Variants in NTN1 observed in about 807,000 individuals in gnomAD.
The protein encoded by NTN1 is netrin-1.
A neutral mutation model predicts 54.2 loss-of-function variants in NTN1; 11 were observed. The ratio of observed to expected loss-of-function variants is 0.20; its 90% confidence interval spans 0.13 to 0.34. NTN1 has a LOEUF of 0.34. NTN1 is among the 10% of genes least tolerant of loss of function. The pLI is 1.00. For synonymous variants in NTN1, 371 were observed against 382.0 expected (o/e 0.97, Z 0.33); for missense variants, 740 against 893.1 (o/e 0.83, Z 2.18).
intron 2 of NTN1, among the ~76,000 whole-genome samples, chr17:9,132,088 C>T (rs545613403): frequency 3.9e-5 from 6 of 151,900 alleles, no homozygotes; most frequent in South Asian, 4.2e-4. Context: ...ACTCTGTCCG[C>T]GCAGGAGTTA....
chr17:9,224,610 G>A (rs1378404621), intron 6 of NTN1, among the ~76,000 whole-genome samples: 1 of 152,240 alleles, frequency 6.6e-6, no homozygotes, highest in African/African-American at 2.4e-5. Flanking sequence ...CCCTTCCACA[G>A]CAGCCTTCCT....
At chr17:9,213,266 G>A (rs907035548) in intron 5 of NTN1, among the ~76,000 whole-genome samples, 3 of 152,242 alleles carry the variant, frequency 2.0e-5, no homozygotes, top group East Asian at 3.8e-4. Context: ...GGCAGTGCCT[G>A]TGTCCAGCCC....
intron 5 of NTN1, among the ~76,000 whole-genome samples, chr17:9,200,611 T>C (rs974366324): frequency 2.6e-5 from 4 of 152,212 alleles, no homozygotes; most frequent in Non-Finnish European, 4.4e-5. Flanking sequence ...ATAGTAGCTT[T>C]TAGTATTTTC....
At chr17:9,028,947 T>A (rs2091880320) in intron 2 of NTN1, among the ~76,000 whole-genome samples, 1 of 152,080 alleles carries the variant, frequency 6.6e-6, no homozygotes, top group Non-Finnish European at 1.5e-5. Context: ...TTTTTTTTCA[T>A]CCTTTCAGAA....
At chr17:9,048,676 AGACAGAGTCTTGCTCTGTCACCCAGGCTG>A (rs1396947333) in intron 2 of NTN1, among the ~76,000 whole-genome samples, 1 of 150,240 alleles carries the variant, frequency 6.7e-6, no homozygotes, top group Non-Finnish European at 1.5e-5. Flanking sequence ...CTTTTTTTTG[AGACAGAGTCTTGCTCTGTCACCCAGGCTG>A]GAGTGCAGTG....
At chr17:9,076,071 C>T (rs1024717930) in intron 2 of NTN1, among the ~76,000 whole-genome samples, 7 of 152,196 alleles carry the variant, frequency 4.6e-5, no homozygotes, top group Non-Finnish European at 1.0e-4. Flanking sequence ...GGTGATTCCC[C>T]ATGGTCCCTC....
rs11867841 is a variant in NTN1 at position 9,023,715 on chromosome 17, C to G, written c.1018+324C>G. On this transcript the variant is annotated intron_variant, in intron 2 of 6. Coordinates refer to ENST00000173229, the MANE Select transcript of NTN1 (RefSeq NM_004822.3). ...CGCAAACATTCATTGCCTTCCCCCTCGTTGGGTTGGACGCTGGGATTCACC... is the reference window on the plus strand; with the variant it reads ...CGCAAACATTCATTGCCTTCCCCCTGGTTGGGTTGGACGCTGGGATTCACC... 8.8e-3 allele frequency among the ~76,000 whole-genome samples: 1,334 copies of G among 152,386 alleles called. 18 individuals are homozygous for G. The highest frequency in any genetic ancestry group is 0.031 in the African/African-American group (1,272 of 41,588).
chr17:9,047,751 A>G (rs553755808), intron 2 of NTN1, among the ~76,000 whole-genome samples: 101 of 151,436 alleles, frequency 6.7e-4, no homozygotes, highest in Non-Finnish European at 9.3e-4. Context: ...CTGGAGTGCA[A>G]TGGCGCGATC....
chr17:9,214,431 T>C (rs1311175693), intron 5 of NTN1, among the ~76,000 whole-genome samples: 1 of 152,236 alleles, frequency 6.6e-6, no homozygotes, highest in African/African-American at 2.4e-5. Context: ...TTGCCTTGAA[T>C]TCTACTTTGC....
At chr17:9,074,275 G>A (rs1303290103) in intron 2 of NTN1, among the ~76,000 whole-genome samples, 1 of 152,226 alleles carries the variant, frequency 6.6e-6, no homozygotes, top group African/African-American at 2.4e-5. Flanking sequence ...GATGGGACGC[G>A]GCCAGCCCGC....
At chr17:9,102,546 A>G (rs1319187002) in intron 2 of NTN1, among the ~76,000 whole-genome samples, 2 of 152,228 alleles carry the variant, frequency 1.3e-5, no homozygotes, top group African/African-American at 2.4e-5. Flanking sequence ...GAGTGTAGAC[A>G]CAGCCAAACC....
intron 2 of NTN1, among the ~76,000 whole-genome samples, chr17:9,040,158 A>G (rs950839745): frequency 4.6e-5 from 7 of 152,208 alleles, no homozygotes; most frequent in Non-Finnish European, 1.0e-4. Flanking sequence ...AGCATTTGAT[A>G]TGGCCAATCT....
chr17:9,162,158 A>C (rs531532666), intron 2 of NTN1, among the ~76,000 whole-genome samples: 1 of 152,246 alleles, frequency 6.6e-6, no homozygotes, highest in East Asian at 1.9e-4. Context: ...TTGAGGTGGG[A>C]AGAACGATGG....
At chr17:9,229,080 C>CTA (rs1300518853) in intron 6 of NTN1, among the ~76,000 whole-genome samples, 1 of 149,568 alleles carries the variant, frequency 6.7e-6, no homozygotes, top group Non-Finnish European at 1.5e-5. Context: ...GTGTTTGTGA[C>CTA]TGTGTGTGTG....
chr17:9,008,477 G>A, the NTN1 span, among the ~76,000 whole-genome samples: 2 of 151,776 alleles, frequency 1.3e-5, no homozygotes, highest in African/African-American at 2.4e-5. Context: ...GTGTCACCAC[G>A]CCCAGCTGAT....
intron 2 of NTN1, among the ~76,000 whole-genome samples, chr17:9,149,414 C>A (rs2092321663): frequency 6.6e-6 from 1 of 152,162 alleles, no homozygotes; most frequent in Non-Finnish European, 1.5e-5. Flanking sequence ...AAATTCTCTG[C>A]CTTCAGGAAT....
In NTN1 at chr17:9,076,653, G is replaced by A. The variant is rs375709374; in HGVS notation, c.1018+53262G>A. Among the ~76,000 whole-genome samples, 149 of 152,308 alleles carry A rather than the reference G, an allele frequency of 9.8e-4. 2 individuals are homozygous for A. The South Asian group carries it at 0.013, about 13-fold the overall frequency. On this transcript the variant is annotated intron_variant, in intron 2 of 6. Transcript: ENST00000173229. ...AGTCTCCCAAAGTGCTGGGATTATA[G>A]GCATGAGCCATTGCGCCCGGCCTAG...
At chr17:9,190,294 A>G (rs1226730210) in intron 5 of NTN1, among the ~76,000 whole-genome samples, 3 of 152,030 alleles carry the variant, frequency 2.0e-5, no homozygotes. Context: ...CTGAGAAGAC[A>G]AGACCCAAAA....
chr17:9,074,192 C>T (rs577437395), intron 2 of NTN1, among the ~76,000 whole-genome samples: 1 of 152,268 alleles, frequency 6.6e-6, no homozygotes, highest in South Asian at 2.1e-4. Context: ...GGGAGGGAAG[C>T]CTGACAGGGG....
Sources: allele counts gnomAD v4.1 joint callset (sites outside exome capture counted in the v4.1 genomes callset), GRCh38; gene constraint gnomAD v4.1.1; transcripts MANE v1.5; gene names NCBI Gene and HGNC (gene_info 2026-07-23, HGNC 2026-07-21).